The following DLG2 variants were observed in gnomAD, a reference collection of about 807,000 sequenced individuals.
The protein encoded by DLG2 is disks large homolog 2.
In DLG2, 45 loss-of-function variants were observed where a neutral mutation model predicts 132.5. That is an observed-to-expected ratio of 0.34 (90% CI 0.27 to 0.44). The LOEUF (loss-of-function observed/expected upper bound fraction) is 0.44, where lower values mean the gene tolerates loss of function less well. DLG2 is among the 20% of genes least tolerant of loss of function. The pLI is 1.00. For missense variants in DLG2, 1,045 were observed against 1,196.9 expected (o/e 0.87, Z 1.87); for synonymous variants, 424 against 419.6 (o/e 1.01, Z -0.13).
chr11:84,825,261 T>A (rs759323456), intron 6 of DLG2, among the ~76,000 whole-genome samples: 1 of 151,824 alleles, frequency 6.6e-6, no homozygotes, highest in Non-Finnish European at 1.5e-5. Context: ...CAGATCATCT[T>A]ACTGTATTTG....
At chr11:84,221,246 A>C (rs2096911959) in intron 8 of DLG2, among the ~76,000 whole-genome samples, 1 of 151,844 alleles carries the variant, frequency 6.6e-6, no homozygotes, top group Non-Finnish European at 1.5e-5. Context: ...TGGGTGGATC[A>C]TGAGGTCAGG....
intron 7 of DLG2, among the ~76,000 whole-genome samples, chr11:84,282,135 AC>A (rs2097859755): frequency 6.6e-6 from 1 of 152,220 alleles, no homozygotes; most frequent in African/African-American, 2.4e-5. Context: ...AATAGATTAA[AC>A]AATTGTGGTA....
chr11:85,217,742 AT>A (rs749190011), intron 4 of DLG2, among the ~76,000 whole-genome samples: 1 of 152,158 alleles, frequency 6.6e-6, no homozygotes, highest in Non-Finnish European at 1.5e-5. Flanking sequence ...CCCTTTGCAC[AT>A]GCTTTCCTCT....
intron 6 of DLG2, among the ~76,000 whole-genome samples, chr11:84,540,838 A>G (rs2099366819): frequency 6.6e-6 from 1 of 152,206 alleles, no homozygotes; most frequent in African/African-American, 2.4e-5. Flanking sequence ...TGGCACATAT[A>G]CACCATGGAA....
chr11:84,514,300 A>G (rs1269436204), intron 7 of DLG2, among the ~76,000 whole-genome samples: 1 of 152,190 alleles, frequency 6.6e-6, no homozygotes, highest in East Asian at 1.9e-4. Flanking sequence ...TTTAAAAACT[A>G]AAAATACAGC....
At chr11:85,441,585 A>T (rs1390200346) in intron 3 of DLG2, among the ~76,000 whole-genome samples, 1 of 152,214 alleles carries the variant, frequency 6.6e-6, no homozygotes, top group Non-Finnish European at 1.5e-5. Context: ...ATTATATGTT[A>T]AGCTCTGAAT....
chr11:84,319,689 G>T (rs143432373), intron 7 of DLG2, among the ~76,000 whole-genome samples: 1 of 152,202 alleles, frequency 6.6e-6, no homozygotes, highest in East Asian at 1.9e-4. Flanking sequence ...TTCAGAATGC[G>T]CAATTTCTTC....
intron 6 of DLG2, among the ~76,000 whole-genome samples, chr11:84,592,440 T>G (rs1001212458): frequency 2.6e-5 from 4 of 151,964 alleles, no homozygotes; most frequent in Non-Finnish European, 5.9e-5. Context: ...CCAAAAGCAA[T>G]GGCAACAAAA....
intron 16 of DLG2, among the ~76,000 whole-genome samples, chr11:83,862,927 A>T (rs1364686084): frequency 2.6e-5 from 4 of 152,144 alleles, no homozygotes; most frequent in Non-Finnish European, 2.9e-5. Context: ...ATTACATGAT[A>T]GGGTAGGACC....
At chr11:83,841,983 G>T (rs536084692) in intron 16 of DLG2, among the ~76,000 whole-genome samples, 1 of 152,322 alleles carries the variant, frequency 6.6e-6, no homozygotes, top group Admixed American at 6.5e-5. Flanking sequence ...GTAAGGAGCG[G>T]CCAGCCTTCT....
chr11:84,151,084 A>G (rs370017982), intron 9 of DLG2, among the ~76,000 whole-genome samples: 23 of 151,988 alleles, frequency 1.5e-4, no homozygotes, highest in African/African-American at 5.1e-4. Flanking sequence ...TTTGCTGTGT[A>G]TCTGCCAAAT....
intron 15 of DLG2, among the ~76,000 whole-genome samples, chr11:83,905,170 T>C (rs935385449): frequency 6.6e-6 from 1 of 152,168 alleles, no homozygotes; most frequent in African/African-American, 2.4e-5. Context: ...ATATTACATG[T>C]CATATAATCC....
At chr11:85,525,893 T>C (rs1356999228) in intron 3 of DLG2, among the ~76,000 whole-genome samples, 1 of 152,200 alleles carries the variant, frequency 6.6e-6, no homozygotes, top group Non-Finnish European at 1.5e-5. Context: ...ACCGGAGATC[T>C]ACAGAGGATC....
intron 19 of DLG2, among the ~76,000 whole-genome samples, chr11:83,559,620 C>G (rs1036349020): frequency 6.6e-6 from 1 of 150,386 alleles, no homozygotes; most frequent in Admixed American, 6.6e-5. Context: ...AAGTTTTAAC[C>G]AGGTACGTTG....
intron 3 of DLG2, among the ~76,000 whole-genome samples, chr11:85,549,519 C>G (rs1565671996): frequency 6.6e-6 from 1 of 152,130 alleles, no homozygotes; most frequent in Non-Finnish European, 1.5e-5. Context: ...TGAAAAAAAG[C>G]ATTTCCATTC....
At chr11:85,032,864 G>A (rs1397113334) in intron 6 of DLG2, among the ~76,000 whole-genome samples, 1 of 152,144 alleles carries the variant, frequency 6.6e-6, no homozygotes, top group Non-Finnish European at 1.5e-5. Context: ...GAGAGCAATG[G>A]TAGAGATGCC....
At chr11:85,331,287 T>C (rs2081722747) in intron 3 of DLG2, among the ~76,000 whole-genome samples, 2 of 152,208 alleles carry the variant, frequency 1.3e-5, no homozygotes, top group East Asian at 1.9e-4. Context: ...AAAGGGTTCC[T>C]GGCCAAAAAA....
At chr11:84,294,204 A>C (rs1005928091) in intron 7 of DLG2, among the ~76,000 whole-genome samples, 10 of 152,310 alleles carry the variant, frequency 6.6e-5, no homozygotes, top group African/African-American at 2.4e-4. Context: ...CTCTGTTTTT[A>C]ATTTATTGAG....
chr11:83,469,014 T>G (rs895211137), intron 25 of DLG2, among the ~76,000 whole-genome samples, 187 bp downstream of exon 25: 2 of 152,144 alleles, frequency 1.3e-5, no homozygotes, highest in Non-Finnish European at 2.9e-5. Context: ...GTGAGAATAC[T>G]TTATTGAAAT....
Sources: gnomAD v4.1 joint callset for allele counts (sites outside exome capture counted in the v4.1 genomes callset) on GRCh38, gnomAD v4.1.1 for gene constraint, MANE v1.5 for transcripts, NCBI Gene and HGNC (gene_info 2026-07-23, HGNC 2026-07-21) for gene names.